Variants in CHST11 observed in about 807,000 individuals in gnomAD.
CHST11 encodes the protein C4S-1.
In CHST11, 9 loss-of-function variants were observed where a neutral mutation model predicts 30.4. The ratio of observed to expected loss-of-function variants is 0.30; its 90% CI spans 0.18 to 0.52. CHST11 has a LOEUF of 0.52. CHST11 is among the 20% of genes least tolerant of loss of function. CHST11 has a pLI of 0.97. For missense variants in CHST11, 348 were observed against 460.6 expected (o/e 0.76, Z 2.24); for synonymous variants, 152 against 187.8 (o/e 0.81, Z 1.56).
chr12:104,588,806 C>T (rs1565998211), intron 1 of CHST11: 1 of 152,274 alleles, frequency 6.6e-6, no homozygotes, highest in Non-Finnish European at 1.5e-5. Context: ...CTCCACGTCC[C>T]AGCAAAACAG....
intron 2 of CHST11, among the ~76,000 whole-genome samples, chr12:104,687,786 A>C (rs909435877): frequency 2.0e-5 from 3 of 151,816 alleles, no homozygotes; most frequent in South Asian, 2.1e-4. Context: ...GCCCCCCCCA[A>C]AATTTTTTTT....
intron 2 of CHST11, among the ~76,000 whole-genome samples, chr12:104,691,776 C>T (rs2039898761): frequency 6.6e-6 from 1 of 152,196 alleles, no homozygotes; most frequent in Admixed American, 6.5e-5. Context: ...GCGTGAGCCA[C>T]CGCCCCCAGC....
intron 1 of CHST11, among the ~76,000 whole-genome samples, chr12:104,555,455 A>G (rs1279814509): frequency 1.3e-5 from 2 of 152,302 alleles, no homozygotes; most frequent in Non-Finnish European, 2.9e-5. Context: ...GACAGGAGGC[A>G]CACACCTTTC....
intron 1 of CHST11, among the ~76,000 whole-genome samples, chr12:104,495,807 C>A (rs1308879508): frequency 1.3e-5 from 2 of 152,200 alleles, no homozygotes; most frequent in African/African-American, 2.4e-5. Context: ...TGGATTTGAA[C>A]CCAACCGTCT....
At chr12:104,494,328 G>A (rs777097257) in intron 1 of CHST11, among the ~76,000 whole-genome samples, 1 of 152,186 alleles carries the variant, frequency 6.6e-6, no homozygotes, top group African/African-American at 2.4e-5. Flanking sequence ...GCCTCTTAGT[G>A]TCTATAGCCC....
At chr12:104,550,400 C>T (rs1460190464) in intron 1 of CHST11, among the ~76,000 whole-genome samples, 1 of 152,204 alleles carries the variant, frequency 6.6e-6, no homozygotes, top group Non-Finnish European at 1.5e-5. Context: ...TTGCCTTGTT[C>T]CTCGAAGGCA....
At chr12:104,556,793 C>T (rs947120118) in intron 1 of CHST11, among the ~76,000 whole-genome samples, 1 of 152,074 alleles carries the variant, frequency 6.6e-6, no homozygotes, top group African/African-American at 2.4e-5. Flanking sequence ...CCAGCCTGGC[C>T]AACATGGTGA....
intron 1 of CHST11, among the ~76,000 whole-genome samples, chr12:104,490,002 T>A (rs1252501368): frequency 6.6e-6 from 1 of 152,204 alleles, no homozygotes; most frequent in Non-Finnish European, 1.5e-5. Flanking sequence ...ACTTGGAGCC[T>A]GATGAAGTTC....
chr12:104,594,956 AAAAAT>A (rs1263799241), intron 1 of CHST11, among the ~76,000 whole-genome samples: 1 of 152,232 alleles, frequency 6.6e-6, no homozygotes, highest in South Asian at 2.1e-4. Flanking sequence ...CAAAAACATA[AAAAAT>A]AAAATAAAGT....
chr12:104,558,196 G>A (rs1456919241), intron 1 of CHST11, among the ~76,000 whole-genome samples: 1 of 152,040 alleles, frequency 6.6e-6, no homozygotes, highest in African/African-American at 2.4e-5. Context: ...AAGAGCTGAC[G>A]CTGTCCCTGC....
At chr12:104,740,828 C>T (rs2040340566) in intron 2 of CHST11, among the ~76,000 whole-genome samples, 1 of 152,226 alleles carries the variant, frequency 6.6e-6, no homozygotes, top group African/African-American at 2.4e-5. Context: ...GCCTAAGAAG[C>T]CGCAGAGATG....
chr12:104,629,437 GAGA>G (rs2136066468), intron 2 of CHST11, among the ~76,000 whole-genome samples: 1 of 152,358 alleles, frequency 6.6e-6, no homozygotes, highest in South Asian at 2.1e-4. Flanking sequence ...TCTGAGTTCA[GAGA>G]AGGTTAAGCC....
chr12:104,544,139 AAAG>A (rs1565981138), intron 1 of CHST11, among the ~76,000 whole-genome samples: 13 of 5,394 alleles, frequency 2.4e-3, no homozygotes, highest in Non-Finnish European at 3.9e-3. Flanking sequence ...AAAAAAAAAA[AAAG>A]AAAGAAAGAA....
At chr12:104,491,635 A>C (rs546591889) in intron 1 of CHST11, among the ~76,000 whole-genome samples, 60 of 152,120 alleles carry the variant, frequency 3.9e-4, no homozygotes, top group African/African-American at 1.3e-3. Context: ...CACCTGGCTA[A>C]TTGAAAAAAG....
chr12:104,533,545 C>T (rs183391575), intron 1 of CHST11, among the ~76,000 whole-genome samples: 1 of 152,252 alleles, frequency 6.6e-6, no homozygotes, highest in East Asian at 1.9e-4. Context: ...TTTGATGGTT[C>T]TTTTGTTTCC....
At chr12:104,520,930 G>A (rs115002259) in intron 1 of CHST11, among the ~76,000 whole-genome samples, 501 of 152,252 alleles carry the variant, frequency 3.3e-3, no homozygotes, top group African/African-American at 0.012. Flanking sequence ...ACGTGAGTCC[G>A]GTGGGAAAGA....
chr12:104,716,639 T>C (rs1193228133), intron 2 of CHST11, among the ~76,000 whole-genome samples: 1 of 152,226 alleles, frequency 6.6e-6, no homozygotes, highest in Non-Finnish European at 1.5e-5. Flanking sequence ...AAATATTTGC[T>C]GAATACATGA....
intron 2 of CHST11, among the ~76,000 whole-genome samples, chr12:104,679,323 G>A (rs571503070): frequency 8.6e-4 from 131 of 152,230 alleles, no homozygotes; most frequent in South Asian, 1.9e-3. Flanking sequence ...CACCGGCCAG[G>A]AGAGAGGCGA....
At chr12:104,606,991 G>A (rs766271422) in intron 2 of CHST11, among the ~76,000 whole-genome samples, 2 of 151,938 alleles carry the variant, frequency 1.3e-5, no homozygotes, top group African/African-American at 2.4e-5. Context: ...CCTGGGAGGC[G>A]GAGGTTGCAG....
Sources: gnomAD v4.1 joint callset for allele counts (sites outside exome capture counted in the v4.1 genomes callset) on GRCh38, gnomAD v4.1.1 for gene constraint, MANE v1.5 for transcripts, NCBI Gene and HGNC (gene_info 2026-07-23, HGNC 2026-07-21) for gene names.